The following ANO4 variants were observed in gnomAD, a reference collection of about 807,000 sequenced individuals.
ANO4 encodes anoctamin 4.
Under a neutral mutation model 141.9 loss-of-function variants are expected in ANO4, and 69 were observed. That is an observed-to-expected ratio of 0.49 (90% CI 0.40 to 0.59). ANO4 has a LOEUF of 0.59. Ranked by LOEUF, ANO4 falls within the 20% of genes least tolerant of loss-of-function variation. The probability of loss-of-function intolerance (pLI) is 0.00; values close to 1 mark genes in which losing one functional copy is unlikely to be tolerated. For synonymous variants in ANO4, 350 were observed against 394.3 expected, an observed-to-expected ratio of 0.89 and a Z score of 1.33; for missense variants, 894 against 1,162.2, an observed-to-expected ratio of 0.77 and a Z score of 3.36.
Position 100,957,171 on chromosome 12 carries a change from C to T in ANO4, c.457-14135C>T, listed in dbSNP as rs181486138. ...AGGCTGGAAAATACAGGAAGCACAG[C>T]GCCAACACTTGCTCGGCCTCTGGTG... On this transcript the variant is annotated intron_variant, in intron 5 of 27. Transcript: ENST00000392977. 9.4e-4 allele frequency among the ~76,000 whole-genome samples: 143 copies of T among 152,266 alleles called. 1 individual carries two copies. Among genetic ancestry groups the T allele is most frequent in the Non-Finnish European group, 1.7e-3 (118 of 68,022 alleles).
intron 3 of ANO4, among the ~76,000 whole-genome samples, chr12:100,773,754 G>A (rs1481495572): frequency 4.6e-5 from 7 of 152,148 alleles, no homozygotes; most frequent in Non-Finnish European, 1.0e-4. Flanking sequence ...GCAGACAAGT[G>A]CATAAAACAT....
At chr12:101,124,439 G>GT (rs902036162) in intron 26 of ANO4, among the ~76,000 whole-genome samples, 3 of 152,024 alleles carry the variant, frequency 2.0e-5, no homozygotes, top group African/African-American at 7.2e-5. Context: ...TCTGATGATA[G>GT]TTTTTTTGTG....
At chr12:100,744,537 C>T (rs1475365068) in intron 3 of ANO4, among the ~76,000 whole-genome samples, 1 of 152,050 alleles carries the variant, frequency 6.6e-6, no homozygotes, top group Non-Finnish European at 1.5e-5. Flanking sequence ...TAATCACCTC[C>T]CAAAGTCCCT....
chr12:100,934,999 G>A (rs1298864504), intron 3 of ANO4, among the ~76,000 whole-genome samples: 11 of 152,274 alleles, frequency 7.2e-5, no homozygotes, highest in African/African-American at 1.9e-4. Context: ...GGGCTGAGAT[G>A]ATGGGGTTTT....
chr12:100,819,236 A>G (rs2035903918), intron 1 of ANO4, among the ~76,000 whole-genome samples: 1 of 151,846 alleles, frequency 6.6e-6, no homozygotes, highest in East Asian at 1.9e-4. Flanking sequence ...TTTCTAATTC[A>G]GCATTCCCAA....
In ANO4 at chr12:100,879,839, G is replaced by A. The variant is rs569664554; in HGVS notation, c.-140-21807G>A. ...CAGAGGAGTAGTTTTATTTGTATAG[G>A]CAATTACAAAGTAATGGGATACAGG... On this transcript the variant is annotated intron_variant, in intron 1 of 27. Transcript: ENST00000392977. Among the ~76,000 whole-genome samples the A allele has an allele frequency of 9.9e-5, 15 of 152,254 alleles. No homozygotes were observed. In the South Asian group the frequency reaches 2.9e-3, roughly 29 times the overall value.
intron 1 of ANO4, among the ~76,000 whole-genome samples, chr12:100,872,384 G>A (rs1259562370): frequency 4.6e-5 from 7 of 152,170 alleles, no homozygotes; most frequent in Non-Finnish European, 7.3e-5. Flanking sequence ...GAGTGAAAAC[G>A]TGATCTCAAG....
intron 15 of ANO4, 70 bp downstream of exon 15, chr12:101,079,345 T>C (rs920300524): frequency 5.4e-6 from 7 of 1,303,836 alleles, no homozygotes; most frequent in Admixed American, 3.5e-5. Flanking sequence ...CCCCCCAAAA[T>C]TGTCACTCTC....
intron 1 of ANO4, among the ~76,000 whole-genome samples, chr12:100,856,722 C>CACG (rs2135872375): frequency 6.6e-6 from 1 of 152,156 alleles, no homozygotes; most frequent in East Asian, 1.9e-4. Context: ...TGAGCAAAGG[C>CACG]ACGGGGTAGG....
At chr12:100,761,892 C>G (rs1212279083) in intron 3 of ANO4, among the ~76,000 whole-genome samples, 3 of 152,148 alleles carry the variant, frequency 2.0e-5, no homozygotes, top group Non-Finnish European at 4.4e-5. Context: ...TCTCCCCACC[C>G]ACCTGTACCC....
intron 1 of ANO4, among the ~76,000 whole-genome samples, chr12:100,727,862 T>C (rs10459198): frequency 0.51 from 76,841 of 151,796 alleles, 19,758 homozygotes; most frequent in East Asian, 0.75. Context: ...TTTGGAAATG[T>C]AGTCTATTTC....
At chr12:100,884,311 A>C (rs1301776959) in intron 1 of ANO4, among the ~76,000 whole-genome samples, 1 of 152,014 alleles carries the variant, frequency 6.6e-6, no homozygotes, top group Non-Finnish European at 1.5e-5. Flanking sequence ...TCTTATGGTC[A>C]GTTAAGGAAA....
At chr12:100,894,947 C>T (rs1271707613) in intron 1 of ANO4, among the ~76,000 whole-genome samples, 1 of 130,014 alleles carries the variant, frequency 7.7e-6, no homozygotes, top group African/African-American at 3.0e-5. Flanking sequence ...GCCTGGGCGA[C>T]AGAGCGAGAC....
intron 3 of ANO4, among the ~76,000 whole-genome samples, chr12:100,785,194 C>T (rs1240778596): frequency 6.6e-6 from 1 of 152,148 alleles, no homozygotes; most frequent in Non-Finnish European, 1.5e-5. Flanking sequence ...TACCAACATC[C>T]CCCACAAGGT....
At chr12:101,038,223 G>A (rs1378499514) in intron 10 of ANO4, among the ~76,000 whole-genome samples, 11 of 152,188 alleles carry the variant, frequency 7.2e-5, no homozygotes, top group Admixed American at 6.5e-4. Flanking sequence ...AGAGCCATAC[G>A]CAGGTGTTTC....
chr12:100,835,886 A>T (rs957874071), intron 1 of ANO4, among the ~76,000 whole-genome samples: 18 of 152,102 alleles, frequency 1.2e-4, no homozygotes, highest in African/African-American at 4.3e-4. Context: ...TGGTAGCCTT[A>T]TGTAACCAAG....
In ANO4 at chr12:100,988,887, AAG is replaced by A. The variant is rs1491418610; in HGVS notation, c.734+1219_734+1220del. On this transcript the variant is annotated intron_variant, in intron 8 of 27. Coordinates refer to ENST00000392977, the MANE Select transcript of ANO4 (RefSeq NM_001286615.2). ...CTCTGTCTCAGAAAAAAAAAAAAAA[AAG>A]AAAGAAAAACAAAAAACGAAGGTAA... 1.4e-3 allele frequency among the ~76,000 whole-genome samples: 137 copies of A among 97,670 alleles called. 14 individuals carry two copies. Among genetic ancestry groups the A allele is most frequent in the Middle Eastern group, 6.8e-3 (1 of 146 alleles). 64.1% of individuals were successfully genotyped at this position (97,670 alleles called of 152,430 possible). A position where few individuals can be genotyped will look rare whatever the true frequency, so the allele number is the denominator to read the frequency against.
intron 8 of ANO4, among the ~76,000 whole-genome samples, chr12:100,991,058 G>C (rs1384401141): frequency 6.6e-6 from 1 of 152,166 alleles, no homozygotes; most frequent in Non-Finnish European, 1.5e-5. Flanking sequence ...CGAAGAACCA[G>C]ACCTCAGTGG....
intron 22 of ANO4, among the ~76,000 whole-genome samples, chr12:101,108,478 ATAATAGTAGT>A (rs2050534981): frequency 6.6e-6 from 1 of 152,168 alleles, no homozygotes; most frequent in African/African-American, 2.4e-5. Context: ...TAAAATGAGG[ATAATAGTAGT>A]ACCCACCACC....
Sources: allele counts gnomAD v4.1 joint callset (sites outside exome capture counted in the v4.1 genomes callset), GRCh38; gene constraint gnomAD v4.1.1; transcripts MANE v1.5; gene names NCBI Gene and HGNC (gene_info 2026-07-23, HGNC 2026-07-21).